The following FREM2 variants were observed in gnomAD, a reference collection of about 807,000 sequenced individuals.
FREM2 encodes the protein FRAS1 related extracellular matrix 2.
Under a neutral mutation model 219.9 loss-of-function variants are expected in FREM2, and 119 were observed. That is an observed-to-expected ratio of 0.54 (90% confidence interval 0.47 to 0.63). FREM2 has a LOEUF of 0.63. FREM2 is among the 30% of genes least tolerant of loss of function. The pLI is 0.00. For missense variants in FREM2, 4,030 were observed against 3,993.6 expected, an observed-to-expected ratio of 1.01 and a Z score of -0.25; for synonymous variants, 1,562 against 1,522.8, an observed-to-expected ratio of 1.03 and a Z score of -0.60.
chr13:38,880,713 G>T lies in FREM2; in HGVS notation c.9436G>T (p.Ala3146Ser), dbSNP rs114370419. ...CAAGGAAAGTTTCAGGGGGAAGGAT[G>T]CCCCGAAAGGCTCCAGCAGCAGTGA... is the stretch of plus-strand genomic sequence containing the variant. ...RGKESFRGKD[A>S]PKGSSSSEPM... Residue 3146 changes from alanine (A) to serine (S), a missense_variant, in exon 24 of 24, where the codon GCC becomes TCC. Ala to Ser is a moderately conservative substitution (Grantham distance 99). Transcript: ENST00000280481. 1.2e-6 allele frequency: 2 copies of T among 1,614,162 alleles called. No homozygotes were observed. The highest frequency in any genetic ancestry group is 1.7e-6 in the Non-Finnish European group (2 of 1,180,022).
chr13:38,784,136 G>A (rs1219315542), intron 5 of FREM2, among the ~76,000 whole-genome samples: 1 of 152,170 alleles, frequency 6.6e-6, no homozygotes, highest in African/African-American at 2.4e-5. Context: ...CTTGGACTCC[G>A]GGGTCCAGAC....
Position 38,691,829 on chromosome 13 carries a change from C to T in FREM2, c.4485C>T (p.Ile1495=). The T allele has an allele frequency of 1.9e-6, 3 of 1,614,124 alleles. 1 individual carries two copies. In the South Asian group the frequency reaches 3.3e-5, roughly 18 times the overall value. The change falls in exon 1 of 24, where the codon ATC becomes ATT. Residue 1495 remains isoleucine (I), a synonymous_variant. Coordinates refer to ENST00000280481, the MANE Select transcript of FREM2 (RefSeq NM_207361.6). ...TGGCTGGAAACAAAATCTACTACAT[C>T]CACACAGCTGATGATGAAGTGAAAA... ...LQLAGNKIYY[I]HTADDEVKMD...
Position 38,687,602 on chromosome 13 carries a change from A to G in FREM2, c.258A>G (p.Glu86=). The G allele has an allele frequency of 4.3e-6, 7 of 1,609,246 alleles. No individual in the cohort carries two copies. Among genetic ancestry groups the G allele is most frequent in the Non-Finnish European group, 5.9e-6 (7 of 1,178,038 alleles). The change falls in exon 1 of 24, where the codon GAA becomes GAG. Residue 86 remains glutamate (E), a synonymous_variant. Coordinates refer to ENST00000280481, the MANE Select transcript of FREM2 (RefSeq NM_207361.6). ...GACTCCGGGTGCCTTTCGGCCGTGA[A>G]GTCTGGCTGGATCCCCTGCATGACC... ...NRGLRVPFGR[E]VWLDPLHDLV... is the part of the protein sequence containing the mutation.
rs1382906208 is a variant in FREM2, at chr13:38,807,188, GTTATATATATATATATATAT to G, written c.6019+22381_6019+22400del. On this transcript the variant is annotated intron_variant, in intron 6 of 23. Transcript: ENST00000280481. ...ACCTTTTTGCAGAGATCTTGTCTCT[GTTATATATATATATATATAT>G]ATATATATATATATATATATGTATG... Among the ~76,000 whole-genome samples the G allele has an allele frequency of 3.8e-4, 25 of 66,410 alleles. 1 individual carries two copies. The highest frequency in any genetic ancestry group is 2.4e-3 in the Admixed American group (10 of 4,180). 43.6% of individuals were successfully genotyped at this position (66,410 alleles called of 152,430 possible).
At chr13:38,745,203 C>G (rs1299484680) in intron 2 of FREM2, among the ~76,000 whole-genome samples, 1 of 152,092 alleles carries the variant, frequency 6.6e-6, no homozygotes, top group Admixed American at 6.6e-5. Context: ...AGATTCTAAT[C>G]TGATTCAATT....
chr13:38,732,765 T>C (rs1297461239), intron 2 of FREM2, among the ~76,000 whole-genome samples: 2 of 152,320 alleles, frequency 1.3e-5, no homozygotes, highest in East Asian at 3.9e-4. Flanking sequence ...AGTAAAAGAA[T>C]TGCCAAATCC....
At position 38,848,589 on chromosome 13, in the gene FREM2, C is replaced by T; in HGVS notation, c.6298C>T (p.Leu2100=). 1 of 1,614,050 alleles carries T rather than the reference C, an allele frequency of 6.2e-7. No individual in the cohort carries two copies. The highest frequency in any genetic ancestry group is 8.5e-7 in the Non-Finnish European group (1 of 1,179,982). Residue 2100 remains leucine, a synonymous_variant, in exon 8 of 24, where the codon CTG becomes TTG. Transcript: ENST00000280481. ...PALEGIEKFE[L]VLRMPMNAAL... is the part of the protein sequence containing the mutation. ...GCTGGAGGGAATTGAGAAATTTGAA[C>T]TGGTGCTTCGCATGCCTATGAACGC...
intron 6 of FREM2, among the ~76,000 whole-genome samples, chr13:38,799,711 A>T (rs550376272): frequency 7.9e-5 from 12 of 152,020 alleles, no homozygotes; most frequent in Non-Finnish European, 1.6e-4. Flanking sequence ...TTATCAATAT[A>T]TAGTGACCTT....
intron 4 of FREM2, among the ~76,000 whole-genome samples, chr13:38,774,188 G>A (rs750421570): frequency 4.6e-5 from 7 of 151,724 alleles, no homozygotes; most frequent in South Asian, 2.1e-4. Context: ...ATTTCTTCCC[G>A]TCTTATGCTC....
chr13:38,864,210 T>G, intron 15 of FREM2, 65 bp from the exon 16 acceptor site: 1 of 1,255,704 alleles, frequency 8.0e-7, no homozygotes, highest in South Asian at 1.2e-5. Flanking sequence ...GATAAAGAAG[T>G]TTTAAAGTGT....
intron 6 of FREM2, among the ~76,000 whole-genome samples, chr13:38,835,303 CTA>C (rs1876666390): frequency 6.6e-6 from 1 of 152,108 alleles, no homozygotes; most frequent in Admixed American, 6.5e-5. Context: ...TTCCACTGGT[CTA>C]TATATCTGTT....
At chr13:38,698,085 G>A (rs1039058635) in intron 2 of FREM2, among the ~76,000 whole-genome samples, 12 of 152,150 alleles carry the variant, frequency 7.9e-5, no homozygotes, top group African/African-American at 2.9e-4. Flanking sequence ...CCCTGCATGA[G>A]TTTGCCTACT....
chr13:38,867,769 AAGAG>A (rs936890534), intron 16 of FREM2, among the ~76,000 whole-genome samples: 4 of 152,166 alleles, frequency 2.6e-5, no homozygotes, highest in Non-Finnish European at 4.4e-5. Context: ...AGCTCCGAGA[AAGAG>A]AGAGAGATAA....
intron 2 of FREM2, among the ~76,000 whole-genome samples, chr13:38,756,524 C>CTT (rs1187227144): frequency 4.8e-4 from 50 of 103,518 alleles, no homozygotes; most frequent in Non-Finnish European, 6.5e-4. Flanking sequence ...GGTTGGGGAC[C>CTT]TTTTTTTTTT....
At chr13:38,736,528 T>C (rs2137774326) in intron 2 of FREM2, among the ~76,000 whole-genome samples, 1 of 152,352 alleles carries the variant, frequency 6.6e-6, no homozygotes, top group South Asian at 2.1e-4. Context: ...CAACAAAATG[T>C]TTCTATTTTT....
At chr13:38,841,866 A>G (rs1324840046) in intron 6 of FREM2, among the ~76,000 whole-genome samples, 1 of 152,240 alleles carries the variant, frequency 6.6e-6, no homozygotes, top group South Asian at 2.1e-4. Flanking sequence ...ACTAAGTGTT[A>G]GGGAAGTTAC....
At chr13:38,695,126 A>G (rs1391462638) in intron 1 of FREM2, among the ~76,000 whole-genome samples, 1 of 152,180 alleles carries the variant, frequency 6.6e-6, no homozygotes, top group Non-Finnish European at 1.5e-5. Flanking sequence ...CATTTTGGCT[A>G]TTAGATTATA....
rs564283119 is a variant in FREM2, at chr13:38,866,536, C to T, written c.7983+1930C>T. On this transcript the variant is annotated intron_variant, in intron 16 of 23. Transcript: ENST00000280481. ...AAATAAAATTAGCCGGGCGTGGTGGCGCATGCCTGTAATCCCAGCTACTCA... is the reference window on the plus strand; with the variant it reads ...AAATAAAATTAGCCGGGCGTGGTGGTGCATGCCTGTAATCCCAGCTACTCA... Among the ~76,000 whole-genome samples the T allele has an allele frequency of 2.4e-3, 352 of 149,786 alleles. 1 individual carries two copies. Among genetic ancestry groups the T allele is most frequent in the Non-Finnish European group, 3.0e-3 (204 of 67,452 alleles).
chr13:38,699,099 C>T (rs1436085069), intron 2 of FREM2, among the ~76,000 whole-genome samples: 1 of 151,996 alleles, frequency 6.6e-6, no homozygotes, highest in Non-Finnish European at 1.5e-5. Context: ...AGAGTGAAAC[C>T]CTGAAATAAT....
Sources: allele counts gnomAD v4.1 joint callset (sites outside exome capture counted in the v4.1 genomes callset), GRCh38; gene constraint gnomAD v4.1.1; transcripts MANE v1.5; gene names NCBI Gene and HGNC (gene_info 2026-07-23, HGNC 2026-07-21).